The following SNX29 variants were observed in gnomAD, a reference collection of about 807,000 sequenced individuals.
SNX29 encodes the protein sorting nexin-29.
Under a neutral mutation model 102.1 loss-of-function variants are expected in SNX29, and 78 were observed. That is an observed-to-expected ratio of 0.76 (90% CI 0.64 to 0.92). The LOEUF (loss-of-function observed/expected upper bound fraction) is 0.92, where lower values mean the gene tolerates loss of function less well. Among genes scored for constraint, SNX29 ranks in the 40% least tolerant of loss-of-function variants. The pLI, the probability that SNX29 is intolerant of heterozygous loss-of-function variation, is 0.00. For missense variants in SNX29, 1,280 were observed against 1,061.7 expected, an observed-to-expected ratio of 1.21 and a Z score of -2.86; for synonymous variants, 580 against 414.5, an observed-to-expected ratio of 1.40 and a Z score of -4.85.
At chr16:12,547,422 G>A (rs556507188) in intron 20 of SNX29, among the ~76,000 whole-genome samples, 2 of 152,166 alleles carry the variant, frequency 1.3e-5, no homozygotes, top group Non-Finnish European at 2.9e-5. Context: ...GGACCATGTG[G>A]GCACCCCGGG....
In SNX29 at chr16:12,006,481, G is replaced by A. The variant is rs376071953; in HGVS notation, c.122+3438G>A. Reference sequence around the variant, plus strand: ...TGGTGAGCCGAGATTGCGCCATTGCGTTCCAGCCTGGGCAACAAGAGCGAT... The same window carrying A: ...TGGTGAGCCGAGATTGCGCCATTGCATTCCAGCCTGGGCAACAAGAGCGAT... On this transcript the variant is annotated intron_variant, in intron 3 of 20. Transcript: ENST00000566228. Among the ~76,000 whole-genome samples, 24 of 145,668 alleles carry A rather than the reference G, an allele frequency of 1.6e-4. No individual in the cohort carries two copies. In the East Asian group the frequency reaches 2.4e-3, roughly 15 times the overall value.
chr16:12,545,067 C>T (rs141042197), intron 20 of SNX29, among the ~76,000 whole-genome samples: 15 of 152,198 alleles, frequency 9.9e-5, no homozygotes, highest in African/African-American at 2.4e-4. Flanking sequence ...AGCATAGCCA[C>T]GAAATGCACT....
At chr16:12,325,399 T>G (rs2081085303) in intron 15 of SNX29, among the ~76,000 whole-genome samples, 1 of 152,222 alleles carries the variant, frequency 6.6e-6, no homozygotes, top group Non-Finnish European at 1.5e-5. Context: ...TTCTGGCAGC[T>G]CTTATTTGAA....
intron 18 of SNX29, among the ~76,000 whole-genome samples, chr16:12,418,372 A>T (rs553044229): frequency 1.7e-4 from 26 of 149,988 alleles, no homozygotes; most frequent in African/African-American, 5.9e-4. Context: ...GATTGTATTT[A>T]TTTTTTTTTT....
At chr16:12,468,257 C>T (rs996027143) in intron 18 of SNX29, among the ~76,000 whole-genome samples, 22 of 142,176 alleles carry the variant, frequency 1.5e-4, no homozygotes, top group African/African-American at 5.5e-4. Context: ...TCACTGTAAC[C>T]TCTGCCTCCC....
chr16:12,440,030 C>T (rs1021907837), intron 18 of SNX29, among the ~76,000 whole-genome samples: 5 of 152,250 alleles, frequency 3.3e-5, no homozygotes, highest in Admixed American at 1.3e-4. Context: ...GGGCCAGCCT[C>T]GCCTCTTAGA....
intron 17 of SNX29, among the ~76,000 whole-genome samples, chr16:12,403,228 GT>G (rs2084023806): frequency 6.7e-6 from 1 of 150,344 alleles, no homozygotes; most frequent in Non-Finnish European, 1.5e-5. Flanking sequence ...GTGTGTGTGT[GT>G]GTGTGTGTGT....
chr16:12,498,277 C>T (rs2088931078), intron 19 of SNX29, among the ~76,000 whole-genome samples: 1 of 152,090 alleles, frequency 6.6e-6, no homozygotes, highest in Non-Finnish European at 1.5e-5. Context: ...AGAGCATGTG[C>T]ACGTTAGCAG....
intron 18 of SNX29, among the ~76,000 whole-genome samples, chr16:12,445,760 G>A (rs1362424572): frequency 2.6e-5 from 4 of 152,148 alleles, no homozygotes; most frequent in Non-Finnish European, 5.9e-5. Flanking sequence ...TCAGCATGGC[G>A]TCTACTGTAT....
At chr16:12,166,953 T>C (rs750429832) in intron 13 of SNX29, among the ~76,000 whole-genome samples, 2 of 152,250 alleles carry the variant, frequency 1.3e-5, no homozygotes, top group Non-Finnish European at 2.9e-5. Context: ...GGTTGCTGCA[T>C]GGAGCTCTCC....
chr16:12,366,328 A>G (rs2082480444), intron 16 of SNX29, among the ~76,000 whole-genome samples: 1 of 152,132 alleles, frequency 6.6e-6, no homozygotes, highest in Non-Finnish European at 1.5e-5. Context: ...TTCCAGAATT[A>G]TTTCCCTGAG....
chr16:12,571,115 G>C lies in SNX29; in HGVS notation c.*2486G>C, dbSNP rs1044297374. On this transcript the variant is annotated 3_prime_UTR_variant, in exon 21 of 21. Coordinates refer to ENST00000566228, the MANE Select transcript of SNX29 (RefSeq NM_032167.5). ...GAAGCCTTCCCTTTGGAATCCCATAGAATGTTCTGCAATGATTGGGTCCAT... is the reference window on the plus strand; with the variant it reads ...GAAGCCTTCCCTTTGGAATCCCATACAATGTTCTGCAATGATTGGGTCCAT... 1.3e-5 allele frequency: 3 copies of C among 232,556 alleles called. No individual in the cohort carries two copies. The highest frequency in any genetic ancestry group is 6.6e-5 in the African/African-American group (3 of 45,296). 14.4% of individuals were successfully genotyped at this position (232,556 alleles called of 1,614,324 possible). A position where few individuals can be genotyped will look rare whatever the true frequency, so the allele number is the denominator to read the frequency against.
intron 11 of SNX29, among the ~76,000 whole-genome samples, chr16:12,111,168 G>T (rs1379115518): frequency 6.6e-6 from 1 of 152,116 alleles, no homozygotes; most frequent in Non-Finnish European, 1.5e-5. Context: ...CTACTGAGGC[G>T]ATCTGCTGCA....
intron 14 of SNX29, among the ~76,000 whole-genome samples, chr16:12,240,581 A>ATTTT (rs1555495715): frequency 1.3e-4 from 4 of 30,524 alleles, no homozygotes; most frequent in African/African-American, 2.6e-4. Context: ...TTTCTTTGTC[A>ATTTT]TTTCTTTTTT....
At chr16:12,088,006 G>C (rs74984128) in intron 11 of SNX29, 112 of 456,660 alleles carry the variant, frequency 2.5e-4, no homozygotes, top group Middle Eastern at 3.3e-4. Flanking sequence ...TGGTCCTTTG[G>C]GGGGTATGAG....
intron 15 of SNX29, among the ~76,000 whole-genome samples, chr16:12,343,471 A>G (rs747990670): frequency 2.4e-4 from 36 of 152,170 alleles, no homozygotes; most frequent in Non-Finnish European, 4.0e-4. Flanking sequence ...ATGGAGCCCC[A>G]CTTTATAGCC....
chr16:12,135,392 C>T (rs1186288723), intron 13 of SNX29, among the ~76,000 whole-genome samples: 1 of 152,230 alleles, frequency 6.6e-6, no homozygotes, highest in African/African-American at 2.4e-5. Flanking sequence ...CCCTACAGGG[C>T]TCCAGAGGAT....
At chr16:12,496,162 T>G (rs2088811349) in intron 19 of SNX29, among the ~76,000 whole-genome samples, 1 of 152,128 alleles carries the variant, frequency 6.6e-6, no homozygotes, top group Non-Finnish European at 1.5e-5. Flanking sequence ...TGCAGAAAGG[T>G]CACACTCATT....
In SNX29 at chr16:12,567,986, C is replaced by G. The variant is rs565465085; in HGVS notation, c.2319-520C>G. ...CCTCTTGGTGTTATCTTCCACTGTT[C>G]CTGGCTCTTAAACACAATACCATGC... On this transcript the variant is annotated intron_variant, in intron 20 of 20. Coordinates refer to ENST00000566228, the MANE Select transcript of SNX29 (RefSeq NM_032167.5). Among the ~76,000 whole-genome samples, 15 of 151,104 alleles carry G rather than the reference C, an allele frequency of 9.9e-5. No homozygotes were observed. The South Asian group carries it at 2.5e-3, about 25-fold the overall frequency.
Sources: gnomAD v4.1 joint callset for allele counts (sites outside exome capture counted in the v4.1 genomes callset) on GRCh38, gnomAD v4.1.1 for gene constraint, MANE v1.5 for transcripts, NCBI Gene and HGNC (gene_info 2026-07-23, HGNC 2026-07-21) for gene names.